The following ATP8A1 variants were observed in gnomAD, a reference collection of about 807,000 sequenced individuals.
The protein encoded by ATP8A1 is phospholipid-transporting ATPase IA.
In ATP8A1, 90 loss-of-function variants were observed where a neutral mutation model predicts 177.7. That is an observed-to-expected ratio of 0.51 (90% CI 0.43 to 0.60). ATP8A1 has a LOEUF of 0.60. Ranked by LOEUF, ATP8A1 falls within the 20% of genes least tolerant of loss-of-function variation. The pLI is 0.00. For synonymous variants in ATP8A1, 493 were observed against 485.9 expected, an observed-to-expected ratio of 1.01 and a Z score of -0.19; for missense variants, 1,072 against 1,392.8, an observed-to-expected ratio of 0.77 and a Z score of 3.67.
At chr4:42,636,144 ACACACACACACACG>A (rs1250166955) in intron 1 of ATP8A1, among the ~76,000 whole-genome samples, 3,829 of 28,620 alleles carry the variant, frequency 0.13, 182 homozygotes, top group African/African-American at 0.28. Flanking sequence ...ACACACACAC[ACACACACACACACG>A]CACACACACA....
chr4:42,577,412 C>T (rs1437600612), intron 12 of ATP8A1, among the ~76,000 whole-genome samples: 3 of 151,986 alleles, frequency 2.0e-5, no homozygotes, highest in South Asian at 2.1e-4. Context: ...GTAGATAATT[C>T]GCTACAAGAA....
At chr4:42,486,972 A>C (rs1287690452) in intron 24 of ATP8A1, among the ~76,000 whole-genome samples, 1 of 152,210 alleles carries the variant, frequency 6.6e-6, no homozygotes, top group Admixed American at 6.5e-5. Context: ...TCATTTCATT[A>C]AGCAAACTGT....
intron 1 of ATP8A1, among the ~76,000 whole-genome samples, chr4:42,650,852 C>T (rs962960658): frequency 6.6e-6 from 1 of 152,076 alleles, no homozygotes; most frequent in Non-Finnish European, 1.5e-5. Flanking sequence ...TCTATGTTAT[C>T]CAAGCAAGAG....
intron 25 of ATP8A1, among the ~76,000 whole-genome samples, chr4:42,477,610 GT>G (rs1184430434): frequency 2.0e-5 from 3 of 152,144 alleles, no homozygotes; most frequent in Admixed American, 6.5e-5. Flanking sequence ...AACCTCTGTG[GT>G]ATCCCTATGA....
intron 20 of ATP8A1, among the ~76,000 whole-genome samples, chr4:42,540,636 C>T (rs1277184658): frequency 6.6e-6 from 1 of 151,678 alleles, no homozygotes; most frequent in African/African-American, 2.4e-5. Context: ...TTTGCAGCAT[C>T]GTAGATGAAA....
intron 16 of ATP8A1, among the ~76,000 whole-genome samples, chr4:42,552,887 G>A (rs766710194): frequency 1.3e-5 from 2 of 152,236 alleles, no homozygotes; most frequent in Non-Finnish European, 1.5e-5. Context: ...GCTGAGTCAG[G>A]AGAATCGCTT....
Position 42,551,219 on chromosome 4 carries a change from G to A in ATP8A1, c.1581C>T (p.Pro527=), listed in dbSNP as rs762348575. 46 of 1,613,194 alleles carry A rather than the reference G, an allele frequency of 2.9e-5. No homozygotes were observed. Among genetic ancestry groups the A allele is most frequent in the South Asian group, 5.5e-5 (5 of 91,052 alleles). ...QLNFVFTGRT[P]DSVIIDSLGQ... ...TTACTGAATCTATAATCACCGAGTC[G>A]GGTGTTCTTCCAGTGAAAACAAAAT... is the stretch of plus-strand genomic sequence containing the variant. The change falls in exon 18 of 37, where the codon CCC becomes CCT. Residue 527 remains proline, a synonymous_variant. Transcript: ENST00000381668.
chr4:42,564,680 C>G (rs191463708), intron 15 of ATP8A1, among the ~76,000 whole-genome samples: 77 of 152,306 alleles, frequency 5.1e-4, no homozygotes, highest in Middle Eastern at 3.4e-3. Flanking sequence ...TTTACAGGCT[C>G]ATAGGCAGAA....
At chr4:42,519,292 C>G (rs1490800430) in intron 22 of ATP8A1, among the ~76,000 whole-genome samples, 1 of 152,104 alleles carries the variant, frequency 6.6e-6, no homozygotes, top group Non-Finnish European at 1.5e-5. Context: ...GAGTCTCCCC[C>G]TATGTTCCCC....
chr4:42,655,184 T>C (rs1741492274), intron 1 of ATP8A1, among the ~76,000 whole-genome samples: 1 of 152,270 alleles, frequency 6.6e-6, no homozygotes, highest in African/African-American at 2.4e-5. Context: ...AACTAGTTAC[T>C]TGACCTTGGG....
chr4:42,579,619 A>T (rs1386794609), intron 11 of ATP8A1, among the ~76,000 whole-genome samples, 194 bp downstream of exon 11: 3 of 151,922 alleles, frequency 2.0e-5, no homozygotes, highest in Non-Finnish European at 4.4e-5. Flanking sequence ...GTTTTTAAGG[A>T]TTCTGAAATT....
chr4:42,540,723 T>TA (rs113428440), intron 20 of ATP8A1, among the ~76,000 whole-genome samples: 18,857 of 151,270 alleles, frequency 0.12, 1,477 homozygotes, highest in African/African-American at 0.23. Context: ...ATGTGAGAGC[T>TA]AAAAAAAATA....
intron 20 of ATP8A1, among the ~76,000 whole-genome samples, chr4:42,538,262 T>A (rs879731564): frequency 1.3e-5 from 2 of 151,996 alleles, no homozygotes; most frequent in Admixed American, 6.6e-5. Flanking sequence ...TAGACAAAAA[T>A]CAACTCAAGA....
chr4:42,447,289 T>C (rs1440548114), intron 30 of ATP8A1, among the ~76,000 whole-genome samples: 2 of 152,158 alleles, frequency 1.3e-5, no homozygotes, highest in African/African-American at 2.4e-5. Context: ...TTCTAGTAAT[T>C]ATCGTGCCTC....
chr4:42,544,298 A>G (rs1256009614), intron 19 of ATP8A1, among the ~76,000 whole-genome samples: 1 of 152,248 alleles, frequency 6.6e-6, no homozygotes, highest in Non-Finnish European at 1.5e-5. Context: ...TCGGATTTGA[A>G]AAAATATTTA....
intron 1 of ATP8A1, among the ~76,000 whole-genome samples, chr4:42,633,370 A>G (rs148133598): frequency 1.7e-3 from 260 of 152,348 alleles, no homozygotes; most frequent in African/African-American, 5.9e-3. Flanking sequence ...TTTCTGAAAT[A>G]TTCCATTTTT....
intron 15 of ATP8A1, among the ~76,000 whole-genome samples, chr4:42,565,648 AAAT>A (rs1327301522): frequency 3.3e-5 from 5 of 152,238 alleles, no homozygotes; most frequent in Non-Finnish European, 7.3e-5. Flanking sequence ...GAGAAAAAAC[AAAT>A]AATATGTTAT....
intron 27 of ATP8A1, among the ~76,000 whole-genome samples, chr4:42,460,506 G>C (rs1364521578): frequency 6.7e-6 from 1 of 149,990 alleles, no homozygotes; most frequent in Non-Finnish European, 1.5e-5. Context: ...TCCTGCCTCA[G>C]CCTCCTAAGT....
chr4:42,586,658 GT>G (rs1278322107), intron 8 of ATP8A1, among the ~76,000 whole-genome samples, 182 bp from the exon 9 acceptor site: 2 of 152,104 alleles, frequency 1.3e-5, no homozygotes, highest in African/African-American at 4.8e-5. Flanking sequence ...TTGAGCACAG[GT>G]TTTTAGCGCA....
Sources: allele counts gnomAD v4.1 joint callset (sites outside exome capture counted in the v4.1 genomes callset), GRCh38; gene constraint gnomAD v4.1.1; transcripts MANE v1.5; gene names NCBI Gene and HGNC (gene_info 2026-07-23, HGNC 2026-07-21).